The following RAD51B variants were observed in gnomAD, a reference collection of about 807,000 sequenced individuals.
RAD51B encodes the protein RAD51 paralog B, also known as DNA repair protein RAD51 homolog 2.
RAD51B carries 38 observed loss-of-function variants against 42.2 expected under a neutral mutation model. That is an observed-to-expected ratio of 0.90 (90% CI 0.70 to 1.18). The LOEUF (loss-of-function observed/expected upper bound fraction) is 1.18, where lower values mean the gene tolerates loss of function less well. Ranked by LOEUF, RAD51B falls within the 50% of genes most tolerant of loss-of-function variation. The pLI, the probability that RAD51B is intolerant of heterozygous loss-of-function variation, is 0.00. For synonymous variants in RAD51B, 154 were observed against 145.2 expected (o/e 1.06, Z -0.43); for missense variants, 373 against 400.7 (o/e 0.93, Z 0.59).
intron 10 of RAD51B, among the ~76,000 whole-genome samples, chr14:68,546,846 A>G (rs1888261734): frequency 6.6e-6 from 1 of 151,892 alleles, no homozygotes; most frequent in Admixed American, 6.6e-5. Context: ...TGGGCGACCA[A>G]CTCCACTCAG....
intron 7 of RAD51B, among the ~76,000 whole-genome samples, chr14:68,205,829 A>G (rs771046462): frequency 5.9e-5 from 9 of 152,092 alleles, no homozygotes; most frequent in Non-Finnish European, 1.0e-4. Flanking sequence ...ATACCCCCAA[A>G]TACTTCGGTG....
intron 10 of RAD51B, among the ~76,000 whole-genome samples, chr14:68,500,386 GTGGAGC>G (rs1205044096): frequency 6.6e-6 from 1 of 152,198 alleles, no homozygotes; most frequent in African/African-American, 2.4e-5. Flanking sequence ...GCAAATGCTG[GTGGAGC>G]CAGACCTTGG....
intron 4 of RAD51B, among the ~76,000 whole-genome samples, chr14:67,855,313 C>T (rs968222115): frequency 6.6e-6 from 1 of 151,854 alleles, no homozygotes; most frequent in African/African-American, 2.4e-5. Context: ...TCAATGTAAG[C>T]TCCGCCTCCC....
intron 7 of RAD51B, among the ~76,000 whole-genome samples, chr14:68,164,536 G>A (rs1053753762): frequency 2.5e-4 from 38 of 152,274 alleles, no homozygotes; most frequent in African/African-American, 8.7e-4. Flanking sequence ...GCAAAGCTCC[G>A]CGGGCTTTCT....
At chr14:67,883,982 T>G (rs2042992678) in intron 5 of RAD51B, among the ~76,000 whole-genome samples, 1 of 152,240 alleles carries the variant, frequency 6.6e-6, no homozygotes, top group Admixed American at 6.5e-5. Flanking sequence ...AATGATAGGT[T>G]ATTTTCTGTT....
In RAD51B at chr14:67,993,959, A is replaced by G. The variant is rs34743060; in HGVS notation, c.756+106755A>G. ...CAACTATATGTTAATAACTTAATAT[A>G]TAACTGTTAGTATATATAATAACAG... On this transcript the variant is annotated intron_variant, in intron 7 of 10. Coordinates refer to ENST00000471583, the MANE Select transcript of RAD51B (RefSeq NM_133510.4). 7.1e-3 allele frequency among the ~76,000 whole-genome samples: 1,081 copies of G among 152,304 alleles called. 12 individuals are homozygous for G. Among genetic ancestry groups the G allele is most frequent in the African/African-American group, 0.024 (1,016 of 41,564 alleles).
At chr14:68,616,914 A>AT (rs1475625753) in intron 10 of RAD51B, among the ~76,000 whole-genome samples, 13 of 151,294 alleles carry the variant, frequency 8.6e-5, no homozygotes, top group African/African-American at 3.2e-4. Context: ...CATTTCAGAT[A>AT]TTGTCTTTTC....
At chr14:68,479,420 A>G (rs1436658493), downstream of RAD51B, among the ~76,000 whole-genome samples, 1 of 152,144 alleles carries the variant, frequency 6.6e-6, no homozygotes, top group African/African-American at 2.4e-5. Context: ...AGCAGGTTGT[A>G]AAATGTTCAT....
At chr14:68,263,253 T>G (rs1010588761) in intron 7 of RAD51B, among the ~76,000 whole-genome samples, 1 of 152,236 alleles carries the variant, frequency 6.6e-6, no homozygotes, top group Non-Finnish European at 1.5e-5. Context: ...CAAAAAATTC[T>G]AATGCTTAAT....
intron 7 of RAD51B, among the ~76,000 whole-genome samples, chr14:68,206,771 C>T (rs1223142840): frequency 6.6e-6 from 1 of 150,848 alleles, no homozygotes; most frequent in African/African-American, 2.4e-5. Context: ...CACCCATTTT[C>T]CCAAGAAACC....
chr14:68,460,538 C>G (rs113945894), intron 9 of RAD51B, among the ~76,000 whole-genome samples: 144 of 152,288 alleles, frequency 9.5e-4, no homozygotes, highest in Non-Finnish European at 1.8e-3. Context: ...TCCACACTGG[C>G]CTTCCTAGCC....
chr14:68,345,697 C>T (rs939707427), intron 8 of RAD51B, among the ~76,000 whole-genome samples: 12 of 151,344 alleles, frequency 7.9e-5, no homozygotes, highest in Non-Finnish European at 1.6e-4. Context: ...TGCTCTGTTG[C>T]CCAGGCTGGA....
At chr14:68,066,858 A>C (rs1447818438) in intron 7 of RAD51B, among the ~76,000 whole-genome samples, 1 of 152,242 alleles carries the variant, frequency 6.6e-6, no homozygotes, top group Non-Finnish European at 1.5e-5. Context: ...ATTTAAAAGC[A>C]GGCTGATACT....
intron 5 of RAD51B, among the ~76,000 whole-genome samples, chr14:67,873,758 A>T (rs2042626945): frequency 6.9e-6 from 1 of 145,828 alleles, no homozygotes; most frequent in South Asian, 2.3e-4. Flanking sequence ...CTATGCAGCC[A>T]TAAAAAATGA....
chr14:68,625,216 A>G (rs550069264), intron 10 of RAD51B, among the ~76,000 whole-genome samples: 5 of 152,122 alleles, frequency 3.3e-5, no homozygotes, highest in African/African-American at 1.2e-4. Context: ...TAGCTCCCCT[A>G]CACCCATGGT....
intron 4 of RAD51B, among the ~76,000 whole-genome samples, chr14:67,846,439 G>A (rs771205550): frequency 1.4e-4 from 21 of 152,322 alleles, no homozygotes; most frequent in Non-Finnish European, 2.8e-4. Context: ...CGATGGAGGG[G>A]AGGTGAGGTC....
At chr14:68,051,132 A>G (rs1481578997) in intron 7 of RAD51B, among the ~76,000 whole-genome samples, 2 of 152,100 alleles carry the variant, frequency 1.3e-5, no homozygotes, top group Non-Finnish European at 2.9e-5. Context: ...AGGGAAAGTT[A>G]CCAGATTTCT....
chr14:68,148,580 C>A (rs1430254574), intron 7 of RAD51B, among the ~76,000 whole-genome samples: 1 of 152,184 alleles, frequency 6.6e-6, no homozygotes, highest in East Asian at 1.9e-4. Flanking sequence ...GGTGTGAAAG[C>A]AATATGCATG....
At chr14:68,530,446 C>CAAAAAAAAAAAAAAAAAAAAAAAAA (rs35454756) in intron 10 of RAD51B, among the ~76,000 whole-genome samples, 41 of 67,838 alleles carry the variant, frequency 6.0e-4, no homozygotes, top group Admixed American at 1.0e-3. Flanking sequence ...GACCCTGTCT[C>CAAAAAAAAAAAAAAAAAAAAAAAAA]AAAAAAAAAA....
Sources: gnomAD v4.1 joint callset for allele counts (sites outside exome capture counted in the v4.1 genomes callset) on GRCh38, gnomAD v4.1.1 for gene constraint, MANE v1.5 for transcripts, NCBI Gene and HGNC (gene_info 2026-07-23, HGNC 2026-07-21) for gene names.